ELMO1: variants seen among roughly 807,000 people sequenced by gnomAD.
ELMO1 encodes engulfment and cell motility protein 1.
Under a neutral mutation model 98.9 loss-of-function variants are expected in ELMO1, and 26 were observed. The ratio of observed to expected loss-of-function variants is 0.26; its 90% CI spans 0.19 to 0.36. The LOEUF is 0.36. Ranked by LOEUF, ELMO1 falls within the 10% of genes least tolerant of loss-of-function variation. The pLI, the probability that ELMO1 is intolerant of heterozygous loss-of-function variation, is 1.00. For synonymous variants in ELMO1, 346 were observed against 346.0 expected, an observed-to-expected ratio of 1.00 and a Z score of 0.00; for missense variants, 627 against 935.2, an observed-to-expected ratio of 0.67 and a Z score of 4.30.
intron 12 of ELMO1, among the ~76,000 whole-genome samples, 174 bp from the exon 13 acceptor site, chr7:37,211,691 C>A (rs1378450108): frequency 6.6e-6 from 1 of 152,192 alleles, no homozygotes; most frequent in Non-Finnish European, 1.5e-5. Flanking sequence ...GACCACTCTT[C>A]CCCCGTCAGT....
intron 16 of ELMO1, among the ~76,000 whole-genome samples, chr7:36,922,951 T>C (rs964261420): frequency 6.6e-6 from 1 of 152,166 alleles, no homozygotes; most frequent in Non-Finnish European, 1.5e-5. Context: ...AAAGTGGTCA[T>C]GGAGGATGGG....
chr7:37,066,664 A>C (rs550084730), intron 15 of ELMO1, among the ~76,000 whole-genome samples: 27 of 152,174 alleles, frequency 1.8e-4, no homozygotes, highest in Non-Finnish European at 3.5e-4. Flanking sequence ...AGAAATGATA[A>C]ATGACTGAGA....
chr7:37,036,843 G>T (rs1795199936), intron 15 of ELMO1, among the ~76,000 whole-genome samples: 1 of 152,206 alleles, frequency 6.6e-6, no homozygotes, highest in South Asian at 2.1e-4. Flanking sequence ...TGACCCAAAA[G>T]TGATAGCACC....
At chr7:36,973,716 G>C (rs1278845121) in intron 16 of ELMO1, among the ~76,000 whole-genome samples, 1 of 152,356 alleles carries the variant, frequency 6.6e-6, no homozygotes, top group South Asian at 2.1e-4. Context: ...GCCGGAGACA[G>C]CTCCCTCGGC....
At chr7:37,164,331 C>T (rs1389494507) in intron 13 of ELMO1, among the ~76,000 whole-genome samples, 1 of 152,076 alleles carries the variant, frequency 6.6e-6, no homozygotes, top group Non-Finnish European at 1.5e-5. Flanking sequence ...TGCAGAAGCT[C>T]TTTAGTTTAA....
chr7:37,251,059 T>C (rs1318012192), intron 6 of ELMO1, among the ~76,000 whole-genome samples: 1 of 152,180 alleles, frequency 6.6e-6, no homozygotes, highest in Non-Finnish European at 1.5e-5. Flanking sequence ...TCTCATTGTC[T>C]GTGTGCTTAG....
At position 37,408,920 on chromosome 7, in the gene ELMO1, A is replaced by G. The variant is rs528656283; in HGVS notation, c.-74+39755T>C. Among the ~76,000 whole-genome samples, 13 of 152,342 alleles carry G rather than the reference A, an allele frequency of 8.5e-5. No homozygotes were observed. In the South Asian group the frequency reaches 2.5e-3, roughly 29 times the overall value. ...TAAATTTTGTGTTGCTTTTTACCAC[A>G]TGCAAAAAAATTGTTTTAATAAAAT... On this transcript the variant is annotated intron_variant, in intron 1 of 21. Transcript: ENST00000310758.
intron 16 of ELMO1, among the ~76,000 whole-genome samples, chr7:36,950,224 G>A (rs547322380): frequency 2.6e-5 from 4 of 152,322 alleles, no homozygotes; most frequent in African/African-American, 7.2e-5. Context: ...TGGATTGACT[G>A]GCATGCTCAT....
intron 13 of ELMO1, among the ~76,000 whole-genome samples, chr7:37,152,566 TGTGGATGA>T (rs942348954): frequency 6.6e-6 from 1 of 152,158 alleles, no homozygotes; most frequent in Non-Finnish European, 1.5e-5. Context: ...TGTGCATGTG[TGTGGATGA>T]GTGTGTACGT....
At chr7:37,061,028 T>C (rs1373375096) in intron 15 of ELMO1, among the ~76,000 whole-genome samples, 2 of 152,222 alleles carry the variant, frequency 1.3e-5, no homozygotes, top group African/African-American at 4.8e-5. Flanking sequence ...CATTTATATT[T>C]TGGTTTTGCA....
At chr7:37,155,494 A>AT (rs760943465) in intron 13 of ELMO1, among the ~76,000 whole-genome samples, 4,162 of 140,454 alleles carry the variant, frequency 0.03, 79 homozygotes, top group Middle Eastern at 0.076. Flanking sequence ...AAGCAAAAAA[A>AT]AAAAAAAAAA....
chr7:37,029,353 G>A (rs1011722994), intron 15 of ELMO1, among the ~76,000 whole-genome samples: 4 of 151,678 alleles, frequency 2.6e-5, no homozygotes, highest in Middle Eastern at 3.2e-3. Flanking sequence ...TCAGTAAGTA[G>A]CCAAATTATA....
At chr7:36,896,975 T>C (rs1229327764) in intron 16 of ELMO1, among the ~76,000 whole-genome samples, 2 of 152,210 alleles carry the variant, frequency 1.3e-5, no homozygotes, top group Non-Finnish European at 2.9e-5. Flanking sequence ...AATGAAGATA[T>C]GATTTTTAAA....
chr7:37,312,339 T>C (rs1418432041), intron 4 of ELMO1, among the ~76,000 whole-genome samples: 1 of 152,250 alleles, frequency 6.6e-6, no homozygotes, highest in Non-Finnish European at 1.5e-5. Flanking sequence ...CCCACCCGCC[T>C]TGGCCTCCCA....
At chr7:37,294,735 C>T (rs1455156918) in intron 4 of ELMO1, among the ~76,000 whole-genome samples, 1 of 152,216 alleles carries the variant, frequency 6.6e-6, no homozygotes, top group Non-Finnish European at 1.5e-5. Context: ...CGCGGGGGCT[C>T]ACGCCTGTAA....
chr7:37,199,927 G>A (rs1406023303), intron 13 of ELMO1, among the ~76,000 whole-genome samples: 1 of 152,140 alleles, frequency 6.6e-6, no homozygotes, highest in Non-Finnish European at 1.5e-5. Context: ...TCTGAGAAGA[G>A]CCCACTGTGC....
intron 16 of ELMO1, among the ~76,000 whole-genome samples, chr7:36,949,172 A>G (rs1451448780): frequency 6.6e-6 from 1 of 152,076 alleles, no homozygotes; most frequent in Admixed American, 6.5e-5. Flanking sequence ...CTCACTCTTC[A>G]AAGATCTCAT....
intron 1 of ELMO1, among the ~76,000 whole-genome samples, chr7:37,407,523 A>AG (rs1803824639): frequency 6.6e-6 from 1 of 151,668 alleles, no homozygotes; most frequent in African/African-American, 2.4e-5. Flanking sequence ...AAAAAAAAAA[A>AG]GAACATGGAT....
At chr7:37,130,726 C>T (rs533883352) in intron 14 of ELMO1, among the ~76,000 whole-genome samples, 2 of 150,702 alleles carry the variant, frequency 1.3e-5, no homozygotes, top group East Asian at 1.9e-4. Flanking sequence ...ACAAGGGCAA[C>T]GAGGGAATAT....
Sources: gnomAD v4.1 joint callset for allele counts (sites outside exome capture counted in the v4.1 genomes callset) on GRCh38, gnomAD v4.1.1 for gene constraint, MANE v1.5 for transcripts, NCBI Gene and HGNC (gene_info 2026-07-23, HGNC 2026-07-21) for gene names.